The following TMEM74 variants were observed in gnomAD, a reference collection of about 807,000 sequenced individuals.
TMEM74 encodes the protein transmembrane protein 74.
In TMEM74, 13 loss-of-function variants were observed where a neutral mutation model predicts 18.1. The ratio of observed to expected loss-of-function variants is 0.72; its 90% CI spans 0.47 to 1.14. The LOEUF is 1.14. Among genes scored for constraint, TMEM74 ranks in the 50% most tolerant of loss-of-function variants. The pLI, the probability that TMEM74 is intolerant of heterozygous loss-of-function variation, is 0.00. For synonymous variants in TMEM74, 159 were observed against 146.6 expected, an observed-to-expected ratio of 1.08 and a Z score of -0.61; for missense variants, 372 against 375.9, an observed-to-expected ratio of 0.99 and a Z score of 0.09.
chr8:108,719,626 A>G lies in TMEM74; in HGVS notation n.120-64189T>C, dbSNP rs1035688614. 2.0e-5 allele frequency among the ~76,000 whole-genome samples: 3 copies of G among 152,158 alleles called. No individual in the cohort carries two copies. In the East Asian group the frequency reaches 5.8e-4, roughly 29 times the overall value. On this transcript the variant is annotated intron_variant and non_coding_transcript_variant, in intron 1 of 3. Coordinates refer to the TMEM74 transcript ENST00000518838. Reference sequence around the variant, plus strand: ...TTTCTAACAGAGTAGAATGCAAAATATGCATACAGTTTAAATATCCAAACT... The same window carrying G: ...TTTCTAACAGAGTAGAATGCAAAATGTGCATACAGTTTAAATATCCAAACT...
intron 1 of TMEM74, among the ~76,000 whole-genome samples, chr8:108,726,451 A>G (rs1813639232): frequency 6.6e-6 from 1 of 152,232 alleles, no homozygotes; most frequent in Non-Finnish European, 1.5e-5. Context: ...TTTTGTAGAT[A>G]GAAGAAACTA....
chr8:108,634,615 C>G (rs1812588816), intron 2 of TMEM74, among the ~76,000 whole-genome samples: 1 of 151,970 alleles, frequency 6.6e-6, no homozygotes, highest in Non-Finnish European at 1.5e-5. Context: ...TTTACTCTGG[C>G]AATGTGGCTG....
At chr8:108,672,974 A>G (rs111609239) in intron 1 of TMEM74, among the ~76,000 whole-genome samples, 4,472 of 152,292 alleles carry the variant, frequency 0.029, 122 homozygotes, top group African/African-American at 0.066. Flanking sequence ...TCAAACACAG[A>G]TAGTTTTGAC....
intron 1 of TMEM74, among the ~76,000 whole-genome samples, chr8:108,691,079 G>A (rs1813222871): frequency 6.6e-6 from 1 of 152,172 alleles, no homozygotes; most frequent in Admixed American, 6.5e-5. Context: ...AGGACATGGA[G>A]GCTGCTTCTG....
intron 1 of TMEM74, among the ~76,000 whole-genome samples, chr8:108,749,999 T>G (rs1288851795): frequency 6.6e-6 from 1 of 152,114 alleles, no homozygotes; most frequent in Admixed American, 6.6e-5. Flanking sequence ...GTGCCACACC[T>G]CACAGGACTC....
At chr8:108,710,491 G>A (rs1813463540) in intron 1 of TMEM74, among the ~76,000 whole-genome samples, 1 of 152,242 alleles carries the variant, frequency 6.6e-6, no homozygotes, top group South Asian at 2.1e-4. Context: ...GCCAGGGTTA[G>A]GTTCCAGCTC....
intron 1 of TMEM74, among the ~76,000 whole-genome samples, chr8:108,678,573 A>G (rs1813078710): frequency 6.7e-6 from 1 of 148,500 alleles, no homozygotes; most frequent in Non-Finnish European, 1.5e-5. Context: ...AGGTCTCGCC[A>G]TGTTGGCCAG....
intron 1 of TMEM74, among the ~76,000 whole-genome samples, chr8:108,677,910 C>A (rs1430373766): frequency 1.3e-5 from 2 of 152,064 alleles, no homozygotes; most frequent in Non-Finnish European, 2.9e-5. Flanking sequence ...AAGCGTGACC[C>A]AAGTTTTGAC....
Position 108,642,259 on chromosome 8 carries a change from C to T in TMEM74, n.264+13034G>A, listed in dbSNP as rs565210736. On this transcript the variant is annotated intron_variant and non_coding_transcript_variant, in intron 2 of 3. Transcript: ENST00000518838. The stretch of plus-strand genomic sequence containing the variant: ...ATGAAAATACAAAAAATTAACTGGA[C>T]GTGGTGGTGCATGCCTGTAATCCCA... 2.1e-3 allele frequency among the ~76,000 whole-genome samples: 324 copies of T among 151,768 alleles called. 1 individual carries two copies. The highest frequency in any genetic ancestry group is 7.3e-3 in the African/African-American group (303 of 41,412).
intron 1 of TMEM74, among the ~76,000 whole-genome samples, chr8:108,680,014 A>G (rs1168121365): frequency 3.9e-5 from 6 of 152,244 alleles, no homozygotes; most frequent in Admixed American, 3.9e-4. Context: ...TGAATAGACC[A>G]AAAACAGGCT....
intron 1 of TMEM74, among the ~76,000 whole-genome samples, chr8:108,657,855 AAAAAATATATATAT>A (rs1456108782): frequency 3.3e-5 from 2 of 60,136 alleles, no homozygotes; most frequent in Non-Finnish European, 5.8e-5. Flanking sequence ...AAAAAAAAAA[AAAAAATATATATAT>A]ATATATATAT....
chr8:108,658,864 G>A (rs1812871920), intron 1 of TMEM74, among the ~76,000 whole-genome samples: 1 of 152,124 alleles, frequency 6.6e-6, no homozygotes, highest in Admixed American at 6.6e-5. Flanking sequence ...TCAGTGGTGA[G>A]GATTGAATGG....
Position 108,663,908 on chromosome 8 carries a change from A to G in TMEM74, n.120-8471T>C, listed in dbSNP as rs144929476. 8.6e-3 allele frequency among the ~76,000 whole-genome samples: 1,307 copies of G among 152,286 alleles called. 19 individuals are homozygous for G. Among genetic ancestry groups the G allele is most frequent in the African/African-American group, 0.028 (1,158 of 41,570 alleles). ...CTCACTTATAAGTGGGAGCTGAACA[A>G]TGAGAACACGTGGACACATCAGAGG... On this transcript the variant is annotated intron_variant and non_coding_transcript_variant, in intron 1 of 3. Coordinates refer to the TMEM74 transcript ENST00000518838.
At chr8:108,700,852 C>T (rs1445667458) in intron 1 of TMEM74, among the ~76,000 whole-genome samples, 1 of 152,160 alleles carries the variant, frequency 6.6e-6, no homozygotes, top group African/African-American at 2.4e-5. Context: ...TCAGGCTAAA[C>T]TCCTGAGCTA....
intron 2 of TMEM74, among the ~76,000 whole-genome samples, chr8:108,616,635 AC>A (rs1812386724): frequency 6.6e-6 from 1 of 152,116 alleles, no homozygotes; most frequent in South Asian, 2.1e-4. Context: ...CAAGATCTTT[AC>A]CGTACAGTGA....
At chr8:108,657,719 T>G (rs1260107104) in intron 1 of TMEM74, among the ~76,000 whole-genome samples, 1 of 150,112 alleles carries the variant, frequency 6.7e-6, no homozygotes, top group Non-Finnish European at 1.5e-5. Context: ...GATGTGTGCC[T>G]GTAATCTCAG....
intron 1 of TMEM74, among the ~76,000 whole-genome samples, chr8:108,732,032 C>G (rs7834384): frequency 0.059 from 8,953 of 152,138 alleles, 724 homozygotes; most frequent in African/African-American, 0.18. Flanking sequence ...CCTTTTCTTT[C>G]AGTTGCCTCC....
chr8:108,679,344 A>C (rs1452588201), intron 1 of TMEM74, among the ~76,000 whole-genome samples: 1 of 152,164 alleles, frequency 6.6e-6, no homozygotes, highest in Non-Finnish European at 1.5e-5. Context: ...CAAGGGCTGA[A>C]CTAGTTTACA....
At chr8:108,625,672 C>A (rs980002607) in intron 2 of TMEM74, among the ~76,000 whole-genome samples, 3 of 151,832 alleles carry the variant, frequency 2.0e-5, no homozygotes, top group Non-Finnish European at 4.4e-5. Context: ...ATTTAATATC[C>A]CCAATGTGCC....
Sources: allele counts gnomAD v4.1 joint callset (sites outside exome capture counted in the v4.1 genomes callset), GRCh38; gene constraint gnomAD v4.1.1; transcripts MANE v1.5; gene names NCBI Gene and HGNC (gene_info 2026-07-23, HGNC 2026-07-21).